The following C10orf88 variants were observed in gnomAD, a reference collection of about 807,000 sequenced individuals.
C10orf88 encodes the protein ATPase PAAT.
Under a neutral mutation model 34.2 loss-of-function variants are expected in C10orf88, and 29 were observed. The ratio of observed to expected loss-of-function variants is 0.85; its 90% CI spans 0.63 to 1.16. C10orf88 has a LOEUF of 1.16. C10orf88 is among the 50% of genes most tolerant of loss of function. C10orf88 has a pLI of 0.00. For synonymous variants in C10orf88, 194 were observed against 197.4 expected, an observed-to-expected ratio of 0.98 and a Z score of 0.15; for missense variants, 507 against 533.2, an observed-to-expected ratio of 0.95 and a Z score of 0.48.
Position 122,948,805 on chromosome 10 carries a change from TACC to T in C10orf88, c.489_491del (p.Val164del). 5 of 1,613,730 alleles carry T rather than the reference TACC, an allele frequency of 3.1e-6. No homozygotes were observed. The highest frequency in any genetic ancestry group is 4.2e-6 in the Non-Finnish European group (5 of 1,179,878). On this transcript the variant is annotated inframe_deletion, in exon 4 of 6. Coordinates refer to ENST00000481909, the MANE Select transcript of C10orf88 (RefSeq NM_024942.4). ...AATTTGCAAAAACTGATCTCATGTG[TACC>T]ACAACTTTACTGATGAACACACACT...
At chr10:122,944,574 C>T (rs1031871010) in intron 4 of C10orf88, among the ~76,000 whole-genome samples, 67 of 152,114 alleles carry the variant, frequency 4.4e-4, no homozygotes, top group Admixed American at 7.9e-4. Flanking sequence ...ACATAAAACT[C>T]ACTTAGACAT....
rs542495916 is a variant in C10orf88, at chr10:122,936,284, C to T, written c.1103+1421G>A. ...TATTCCCTCCCTTGTTATCTTTTAA[C>T]GGCCTTAGGATCAGTAGTGACATCT... On this transcript the variant is annotated intron_variant, in intron 5 of 5. Coordinates refer to ENST00000481909, the MANE Select transcript of C10orf88 (RefSeq NM_024942.4). Among the ~76,000 whole-genome samples, 39 of 151,898 alleles carry T rather than the reference C, an allele frequency of 2.6e-4. No individual in the cohort carries two copies. In the South Asian group the frequency reaches 2.9e-3, roughly 11 times the overall value.
chr10:122,943,101 T>A (rs1848601929), intron 4 of C10orf88, among the ~76,000 whole-genome samples: 2 of 151,650 alleles, frequency 1.3e-5, no homozygotes, highest in Admixed American at 1.3e-4. Flanking sequence ...GCTGGAGGCA[T>A]CACACTGCCT....
At chr10:122,949,774 T>A (rs1246224836) in intron 3 of C10orf88, among the ~76,000 whole-genome samples, 1 of 152,302 alleles carries the variant, frequency 6.6e-6, no homozygotes, top group South Asian at 2.1e-4. Flanking sequence ...CACCACAACT[T>A]GCTACTTAAC....
intron 5 of C10orf88, among the ~76,000 whole-genome samples, chr10:122,936,951 T>TACA (rs1848538737): frequency 6.6e-6 from 1 of 152,038 alleles, no homozygotes. Context: ...TATTCTGCTA[T>TACA]TGTTGGTAGA....
intron 5 of C10orf88, 67 bp downstream of exon 5, chr10:122,937,636 ATC>A: frequency 1.5e-6 from 2 of 1,367,936 alleles, no homozygotes; most frequent in Non-Finnish European, 2.0e-6. Context: ...ATTGAGACAA[ATC>A]TGTTTCCTTT....
intron 5 of C10orf88, among the ~76,000 whole-genome samples, chr10:122,933,796 T>C (rs1848507896): frequency 6.6e-6 from 1 of 152,196 alleles, no homozygotes; most frequent in African/African-American, 2.4e-5. Flanking sequence ...ATGCTATAAT[T>C]CAATATACAT....
At chr10:122,943,061 G>A (rs1166009358) in intron 4 of C10orf88, among the ~76,000 whole-genome samples, 11 of 151,790 alleles carry the variant, frequency 7.2e-5, no homozygotes, top group East Asian at 3.9e-4. Flanking sequence ...AGCCCGCATC[G>A]CCAAGTCAAT....
rs751388819 is a variant in C10orf88, at chr10:122,951,993, AT to A, written c.401del (p.Asn134IlefsTer2). On this transcript the variant is annotated frameshift_variant, in exon 3 of 6. Transcript: ENST00000481909. LOFTEE classifies it high-confidence loss of function. ...CATGTGTGGAGGACTCCAATTTTAGATTTTTTTTATACAAAATGATCTTTTC... is the reference window on the plus strand; with the variant it reads ...CATGTGTGGAGGACTCCAATTTTAGATTTTTTTATACAAAATGATCTTTTC... ...EHEKIILYKK[N>X]LKLESSTHAC... 3.6e-5 allele frequency: 56 copies of A among 1,540,436 alleles called. No homozygotes were observed. The highest frequency in any genetic ancestry group is 4.6e-5 in the Non-Finnish European group (52 of 1,122,642).
At chr10:122,941,400 T>C (rs1368284665) in intron 4 of C10orf88, among the ~76,000 whole-genome samples, 2 of 152,138 alleles carry the variant, frequency 1.3e-5, no homozygotes, top group African/African-American at 2.4e-5. Flanking sequence ...TGTTGAACTT[T>C]AATCAAACTT....
chr10:122,942,213 T>G lies in C10orf88; in HGVS notation c.649-4054A>C, dbSNP rs1848591075. Reference sequence around the variant, plus strand: ...AAACAATTGCTTCCTTTTTAAAATCTTCCATTAAAAGAGTTATTATCATGT... The same window carrying G: ...AAACAATTGCTTCCTTTTTAAAATCGTCCATTAAAAGAGTTATTATCATGT... On this transcript the variant is annotated intron_variant, in intron 4 of 5. Transcript: ENST00000481909. Among the ~76,000 whole-genome samples the G allele has an allele frequency of 2.0e-5, 3 of 152,146 alleles. No individual in the cohort carries two copies. The South Asian group carries it at 6.2e-4, about 32-fold the overall frequency.
chr10:122,953,706 G>A (rs945340380), intron 1 of C10orf88, among the ~76,000 whole-genome samples: 2 of 152,184 alleles, frequency 1.3e-5, no homozygotes, highest in Admixed American at 6.5e-5. Flanking sequence ...TCTTGTTTGA[G>A]GGTAGAGGGG....
At chr10:122,950,456 C>T (rs548716986) in intron 3 of C10orf88, among the ~76,000 whole-genome samples, 22 of 152,302 alleles carry the variant, frequency 1.4e-4, no homozygotes, top group African/African-American at 4.8e-4. Context: ...CACAGGTCCA[C>T]ATGTCAAACA....
intron 3 of C10orf88, among the ~76,000 whole-genome samples, chr10:122,949,216 A>G (rs1199326979): frequency 6.6e-6 from 1 of 152,226 alleles, no homozygotes; most frequent in Non-Finnish European, 1.5e-5. Flanking sequence ...AATTGCATAT[A>G]GTACCAACCC....
chr10:122,937,076 G>A (rs979169586), intron 5 of C10orf88, among the ~76,000 whole-genome samples: 1 of 151,962 alleles, frequency 6.6e-6, no homozygotes, highest in Non-Finnish European at 1.5e-5. Context: ...ACTAAACAGT[G>A]TGGCAACATG....
At chr10:122,942,988 T>C (rs1848600652) in intron 4 of C10orf88, among the ~76,000 whole-genome samples, 1 of 151,078 alleles carries the variant, frequency 6.6e-6, no homozygotes, top group Non-Finnish European at 1.5e-5. Context: ...CCCATCAAGC[T>C]ACCAATGACT....
chr10:122,939,374 GA>G (rs1471551262), intron 4 of C10orf88, among the ~76,000 whole-genome samples: 1 of 151,644 alleles, frequency 6.6e-6, no homozygotes, highest in African/African-American at 2.4e-5. Context: ...GAAAAGAAAA[GA>G]AAGGAAAAAA....
chr10:122,948,731 A>G lies in C10orf88; in HGVS notation c.566T>C (p.Val189Ala). ...CCCCATGGACTCCATTATGGTTTGGACCTTGTCAAGGTCTATCCTTGATCC... is the reference window on the plus strand; with the variant it reads ...CCCCATGGACTCCATTATGGTTTGGGCCTTGTCAAGGTCTATCCTTGATCC... Reference protein sequence around the residue: ...ALGSRIDLDKVQTIMESMGSK... With the variant: ...ALGSRIDLDKAQTIMESMGSK... Residue 189 changes from valine to alanine, a missense_variant, in exon 4 of 6, where the codon GTC becomes GCC. By Grantham distance (64) the Val-to-Ala change is moderately conservative (BLOSUM62 0). Coordinates refer to ENST00000481909, the MANE Select transcript of C10orf88 (RefSeq NM_024942.4). 1 of 1,614,012 alleles carries G rather than the reference A, an allele frequency of 6.2e-7. No homozygotes were observed. The highest frequency in any genetic ancestry group is 2.2e-5 in the East Asian group (1 of 44,866).
intron 4 of C10orf88, among the ~76,000 whole-genome samples, chr10:122,939,539 A>G (rs567844690): frequency 1.3e-5 from 2 of 152,068 alleles, no homozygotes; most frequent in East Asian, 1.9e-4. Context: ...TGCTCTTTAT[A>G]GAGAAATGTT....
Sources: allele counts gnomAD v4.1 joint callset (sites outside exome capture counted in the v4.1 genomes callset), GRCh38; gene constraint gnomAD v4.1.1; transcripts MANE v1.5; gene names NCBI Gene and HGNC (gene_info 2026-07-23, HGNC 2026-07-21).